Variants in CAMSAP2 observed in about 807,000 individuals in gnomAD.
CAMSAP2 encodes the protein calmodulin regulated spectrin associated protein family member 2, also known as calmodulin-regulated spectrin-associated protein 2.
CAMSAP2 carries 26 observed loss-of-function variants against 146.1 expected under a neutral mutation model. That is an observed-to-expected ratio of 0.18 (90% CI 0.13 to 0.25). The LOEUF is 0.25. CAMSAP2 is among the 10% of genes least tolerant of loss of function. The probability of loss-of-function intolerance (pLI) is 1.00; values close to 1 mark genes in which losing one functional copy is unlikely to be tolerated. For missense variants in CAMSAP2, 1,381 were observed against 1,759.3 expected (o/e 0.78, Z 3.85); for synonymous variants, 499 against 596.6 (o/e 0.84, Z 2.38).
chr1:200,758,772 C>CCCT (rs1270182669), intron 1 of CAMSAP2, among the ~76,000 whole-genome samples: 1 of 152,148 alleles, frequency 6.6e-6, no homozygotes, highest in Non-Finnish European at 1.5e-5. Flanking sequence ...ATCACTGTTT[C>CCCT]CCTCATAACG....
chr1:200,757,812 A>G (rs1664692148), intron 1 of CAMSAP2, among the ~76,000 whole-genome samples: 1 of 152,162 alleles, frequency 6.6e-6, no homozygotes, highest in South Asian at 2.1e-4. Flanking sequence ...ACAGTCTTTG[A>G]TTAGCTGTGG....
chr1:200,776,738 A>AC (rs1665290920), intron 2 of CAMSAP2, among the ~76,000 whole-genome samples: 1 of 152,108 alleles, frequency 6.6e-6, no homozygotes, highest in Non-Finnish European at 1.5e-5. Context: ...AAACAAAACA[A>AC]AACAACAACA....
intron 1 of CAMSAP2, among the ~76,000 whole-genome samples, chr1:200,750,740 T>C (rs987688072): frequency 6.6e-6 from 1 of 151,642 alleles, no homozygotes; most frequent in Non-Finnish European, 1.5e-5. Flanking sequence ...TTCTCCTGCC[T>C]CAGTCTCGCG....
At chr1:200,770,449 T>C (rs1665085000) in intron 2 of CAMSAP2, among the ~76,000 whole-genome samples, 3 of 151,220 alleles carry the variant, frequency 2.0e-5, no homozygotes, top group Admixed American at 6.6e-5. Context: ...ACGGAGTCTC[T>C]GTCTCCCAAG....
At chr1:200,855,377 A>G (rs115461948) in intron 14 of CAMSAP2, among the ~76,000 whole-genome samples, 3,910 of 150,336 alleles carry the variant, frequency 0.026, 183 homozygotes, top group African/African-American at 0.088. Context: ...TCAGTATTTT[A>G]TTACTTTATA....
intron 2 of CAMSAP2, among the ~76,000 whole-genome samples, chr1:200,780,822 A>C (rs1453673081): frequency 6.6e-6 from 1 of 152,210 alleles, no homozygotes; most frequent in Non-Finnish European, 1.5e-5. Context: ...GTAGTTTATA[A>C]AAACCTGGGA....
intron 4 of CAMSAP2, among the ~76,000 whole-genome samples, chr1:200,829,452 T>G (rs2102210346): frequency 6.6e-6 from 1 of 152,254 alleles, no homozygotes; most frequent in East Asian, 1.9e-4. Flanking sequence ...TAGATGACAC[T>G]TCACTTTTTG....
At chr1:200,811,225 C>CT (rs1666321487) in intron 3 of CAMSAP2, among the ~76,000 whole-genome samples, 1 of 152,148 alleles carries the variant, frequency 6.6e-6, no homozygotes, top group East Asian at 1.9e-4. Context: ...ACAACAAACT[C>CT]TGTCTCCCCT....
At chr1:200,838,797 C>T (rs1278284468) in intron 6 of CAMSAP2, among the ~76,000 whole-genome samples, 2 of 152,106 alleles carry the variant, frequency 1.3e-5, no homozygotes, top group Non-Finnish European at 2.9e-5. Context: ...GTGTTCCAAA[C>T]AAGGCAAAAA....
chr1:200,817,151 CACACAT>C (rs1305753799), intron 4 of CAMSAP2, among the ~76,000 whole-genome samples: 45 of 113,342 alleles, frequency 4.0e-4, no homozygotes, highest in Non-Finnish European at 4.3e-4. Flanking sequence ...TATACACATA[CACACAT>C]ACACACACGT....
intron 3 of CAMSAP2, among the ~76,000 whole-genome samples, chr1:200,812,081 CT>C (rs1423487594): frequency 3.3e-5 from 5 of 152,162 alleles, no homozygotes; most frequent in African/African-American, 4.8e-5. Context: ...TAACACTCTA[CT>C]TTTTTTCTTT....
chr1:200,837,522 G>A (rs2102227945), intron 6 of CAMSAP2, among the ~76,000 whole-genome samples: 1 of 152,148 alleles, frequency 6.6e-6, no homozygotes, highest in South Asian at 2.1e-4. Context: ...CTCCTGCTTT[G>A]TTCTTTTTGC....
At chr1:200,798,529 C>T (rs1366220435) in intron 2 of CAMSAP2, among the ~76,000 whole-genome samples, 42 of 137,736 alleles carry the variant, frequency 3.0e-4, no homozygotes, top group Admixed American at 2.9e-3. Flanking sequence ...TATCCTGAGA[C>T]TTTGCTGAAG....
chr1:200,768,364 C>T (rs1665016044), intron 2 of CAMSAP2, among the ~76,000 whole-genome samples: 1 of 152,128 alleles, frequency 6.6e-6, no homozygotes. Context: ...GTGGCGTTAG[C>T]ACTAGCTGCC....
Position 200,857,548 on chromosome 1 carries a change from T to C in CAMSAP2, c.4131+124T>C, listed in dbSNP as rs1413160117. 4.9e-6 allele frequency: 4 copies of C among 810,120 alleles called. No homozygotes were observed. The East Asian group carries it at 7.9e-5, about 16-fold the overall frequency. 50.2% of individuals were successfully genotyped at this position (810,120 alleles called of 1,614,324 possible). A position where few individuals can be genotyped will look rare whatever the true frequency, so the allele number is the denominator to read the frequency against. ...GTAAAAAGATCTGTAGCTAGATGTT[T>C]TAATTATCAGATTTAGTTTATTTTC... On this transcript the variant is annotated intron_variant, in intron 16 of 16. Coordinates refer to ENST00000358823, the MANE Select transcript of CAMSAP2 (RefSeq NM_203459.4). This position sits in a 1 kb window ranked among gnomAD's most constrained non-coding sequence, Gnocchi z 4.7.
Position 200,857,696 on chromosome 1 carries a change from A to G in CAMSAP2, c.4132-58A>G. On this transcript the variant is annotated intron_variant, in intron 16 of 16. Coordinates refer to ENST00000358823, the MANE Select transcript of CAMSAP2 (RefSeq NM_203459.4). This position sits in a 1 kb window ranked among gnomAD's most constrained non-coding sequence, Gnocchi z 4.7. ...TAACATAATTATATAAACTTTATTC[A>G]GCAAAATAAAGGGTTTTTATTCGTG... The G allele has an allele frequency of 7.4e-7, 1 of 1,359,036 alleles. No individual in the cohort carries two copies. The highest frequency in any genetic ancestry group is 1.5e-5 in the South Asian group (1 of 68,800). The allele number at this position is 1,359,036 out of a possible 1,614,324, so 84.2% of individuals were successfully genotyped here. A position where few individuals can be genotyped will look rare whatever the true frequency, so the allele number is the denominator to read the frequency against.
At chr1:200,801,808 A>C (rs931637713) in intron 2 of CAMSAP2, among the ~76,000 whole-genome samples, 1 of 152,014 alleles carries the variant, frequency 6.6e-6, no homozygotes, top group Non-Finnish European at 1.5e-5. Context: ...TCTAAGATGA[A>C]CTCTTAAGTG....
intron 4 of CAMSAP2, among the ~76,000 whole-genome samples, chr1:200,825,946 T>C (rs1424801289): frequency 6.6e-6 from 1 of 152,216 alleles, no homozygotes; most frequent in African/African-American, 2.4e-5. Flanking sequence ...TACTGTTATA[T>C]GTGGCCTTTT....
chr1:200,781,662 C>G (rs895802468), intron 2 of CAMSAP2, among the ~76,000 whole-genome samples: 1 of 152,078 alleles, frequency 6.6e-6, no homozygotes, highest in Non-Finnish European at 1.5e-5. Context: ...CTACCTCAGC[C>G]TCCCAAGTAG....
Sources: allele counts gnomAD v4.1 joint callset (sites outside exome capture counted in the v4.1 genomes callset), GRCh38; gene constraint gnomAD v4.1.1; non-coding constraint Gnocchi (gnomAD v3.1); transcripts MANE v1.5; gene names NCBI Gene and HGNC (gene_info 2026-07-23, HGNC 2026-07-21).